NEGR1: variants seen among roughly 807,000 people sequenced by gnomAD.
The protein encoded by NEGR1 is IgLON family member 4.
Under a neutral mutation model 40.9 loss-of-function variants are expected in NEGR1, and 10 were observed. The observed-to-expected ratio is 0.24, with a 90% CI of 0.15 to 0.42. NEGR1 has a LOEUF of 0.42. NEGR1 is among the 10% of genes least tolerant of loss of function. NEGR1 has a pLI of 1.00. For missense variants in NEGR1, 352 were observed against 438.9 expected, an observed-to-expected ratio of 0.80 and a Z score of 1.77; for synonymous variants, 185 against 166.8, an observed-to-expected ratio of 1.11 and a Z score of -0.84.
intron 3 of NEGR1, among the ~76,000 whole-genome samples, chr1:71,727,776 A>G (rs1464161104): frequency 2.6e-5 from 4 of 152,140 alleles, no homozygotes; most frequent in African/African-American, 7.2e-5. Flanking sequence ...GTATAACACA[A>G]AGGCAAAAGC....
At chr1:72,131,009 T>C (rs1650227641) in intron 1 of NEGR1, among the ~76,000 whole-genome samples, 1 of 152,180 alleles carries the variant, frequency 6.6e-6, no homozygotes, top group South Asian at 2.1e-4. Flanking sequence ...AGGGATCCAG[T>C]TGTTATAGCA....
chr1:71,873,631 T>C (rs544053121), intron 2 of NEGR1, among the ~76,000 whole-genome samples: 24 of 152,300 alleles, frequency 1.6e-4, no homozygotes, highest in Admixed American at 3.9e-4. Context: ...ATTCACACTT[T>C]ATTGTTGTTA....
intron 6 of NEGR1, among the ~76,000 whole-genome samples, chr1:71,413,431 A>G (rs1278344932): frequency 6.6e-6 from 1 of 152,198 alleles, no homozygotes; most frequent in African/African-American, 2.4e-5. Context: ...TGGTTAAATC[A>G]ATCTTTCTCT....
chr1:72,058,824 T>A (rs957228104), intron 1 of NEGR1, among the ~76,000 whole-genome samples: 16 of 151,732 alleles, frequency 1.1e-4, no homozygotes, highest in Admixed American at 5.3e-4. Context: ...AGAATTAAAA[T>A]GTTCAAATTG....
intron 5 of NEGR1, among the ~76,000 whole-genome samples, chr1:71,597,472 C>CTCTCTCTCTCTCTCTCTGTG (rs756076229): frequency 9.3e-4 from 29 of 31,328 alleles, no homozygotes; most frequent in African/African-American, 2.9e-3. Context: ...CTCTCTCTCT[C>CTCTCTCTCTCTCTCTCTGTG]TGTGTGTGTG....
intron 2 of NEGR1, among the ~76,000 whole-genome samples, chr1:71,833,154 A>T (rs943816055): frequency 6.6e-6 from 1 of 152,092 alleles, no homozygotes; most frequent in Non-Finnish European, 1.5e-5. Context: ...AGATCATCAT[A>T]AAATAAAATT....
At chr1:71,635,442 T>C (rs1167756410) in intron 4 of NEGR1, among the ~76,000 whole-genome samples, 2 of 152,012 alleles carry the variant, frequency 1.3e-5, no homozygotes, top group African/African-American at 4.8e-5. Context: ...GGCATAGTAG[T>C]ATAGAGTACT....
chr1:72,191,956 C>T (rs1652834537), intron 1 of NEGR1, among the ~76,000 whole-genome samples: 2 of 151,846 alleles, frequency 1.3e-5, no homozygotes, highest in Admixed American at 6.6e-5. Flanking sequence ...GCAATTCTCC[C>T]CGAAGATCTC....
At chr1:71,886,807 A>G (rs149438587) in intron 2 of NEGR1, among the ~76,000 whole-genome samples, 181 of 152,318 alleles carry the variant, frequency 1.2e-3, no homozygotes, top group African/African-American at 4.1e-3. Context: ...GGATGCTAAC[A>G]TGGAGGAGAA....
intron 2 of NEGR1, among the ~76,000 whole-genome samples, chr1:71,779,931 C>T (rs1207709360): frequency 6.7e-6 from 1 of 150,214 alleles, no homozygotes. Flanking sequence ...AATTGGTCAA[C>T]TGGATGGTGA....
chr1:71,621,572 C>G (rs908586652), intron 4 of NEGR1, among the ~76,000 whole-genome samples: 1 of 151,166 alleles, frequency 6.6e-6, no homozygotes, highest in East Asian at 1.9e-4. Flanking sequence ...ATCTTTGATT[C>G]CCTTATGTTT....
At position 71,790,671 on chromosome 1, in the gene NEGR1, T is replaced by C. The variant is rs183218463; in HGVS notation, c.410-14374A>G. ...GTATCCTAACAATAAAAAACTATTT[T>C]ATGAGAATACAAGCTCCCTGTCATC... On this transcript the variant is annotated intron_variant, in intron 2 of 6. Coordinates refer to ENST00000357731, the MANE Select transcript of NEGR1 (RefSeq NM_173808.3). 1.6e-3 allele frequency among the ~76,000 whole-genome samples: 241 copies of C among 152,164 alleles called. 2 individuals are homozygous for C. Among genetic ancestry groups the C allele is most frequent in the Non-Finnish European group, 3.7e-4 (25 of 67,986 alleles).
chr1:71,917,462 G>A (rs1661615362), intron 2 of NEGR1, among the ~76,000 whole-genome samples: 1 of 152,070 alleles, frequency 6.6e-6, no homozygotes, highest in African/African-American at 2.4e-5. Flanking sequence ...ATCTTGATAA[G>A]GCCATATCAA....
intron 6 of NEGR1, among the ~76,000 whole-genome samples, chr1:71,568,328 G>A (rs373548850): frequency 6.6e-6 from 1 of 152,208 alleles, no homozygotes; most frequent in Admixed American, 6.5e-5. Context: ...AATCATTTCT[G>A]GTAAATTTAC....
chr1:71,770,456 AGC>A (rs1656277479), intron 3 of NEGR1, among the ~76,000 whole-genome samples: 1 of 152,186 alleles, frequency 6.6e-6, no homozygotes, highest in Non-Finnish European at 1.5e-5. Flanking sequence ...TTTACTATAA[AGC>A]AGTTAAGTAA....
At chr1:72,012,268 C>G (rs2100403382) in intron 1 of NEGR1, among the ~76,000 whole-genome samples, 1 of 152,114 alleles carries the variant, frequency 6.6e-6, no homozygotes, top group African/African-American at 2.4e-5. Flanking sequence ...CGCCCCAGAC[C>G]AACAGACAAA....
At chr1:71,527,967 C>T (rs1036488060) in intron 6 of NEGR1, among the ~76,000 whole-genome samples, 1 of 151,232 alleles carries the variant, frequency 6.6e-6, no homozygotes, top group African/African-American at 2.4e-5. Context: ...AAGTTAGACA[C>T]AACCCAATGT....
intron 2 of NEGR1, among the ~76,000 whole-genome samples, chr1:71,860,191 C>A (rs1659903082): frequency 8.0e-6 from 1 of 125,210 alleles, no homozygotes; most frequent in African/African-American, 3.2e-5. Flanking sequence ...TCAAAATTCT[C>A]ATCATTTAAA....
At chr1:72,271,545 C>A (rs1275119152) in intron 1 of NEGR1, among the ~76,000 whole-genome samples, 3 of 151,802 alleles carry the variant, frequency 2.0e-5, no homozygotes, top group African/African-American at 7.3e-5. Flanking sequence ...CAATTGCAGG[C>A]CAAGGTATAA....
Sources: allele counts gnomAD v4.1 joint callset (sites outside exome capture counted in the v4.1 genomes callset), GRCh38; gene constraint gnomAD v4.1.1; transcripts MANE v1.5; gene names NCBI Gene and HGNC (gene_info 2026-07-23, HGNC 2026-07-21).